The following MAMDC4 variants were observed in gnomAD, a reference collection of about 807,000 sequenced individuals.
MAMDC4 encodes apical endosomal glycoprotein.
MAMDC4 carries 168 observed loss-of-function variants against 153.3 expected under a neutral mutation model. The ratio of observed to expected loss-of-function variants is 1.10; its 90% CI spans 0.97 to 1.25. The LOEUF (loss-of-function observed/expected upper bound fraction) is 1.25, where lower values mean the gene tolerates loss of function less well. Ranked by LOEUF, MAMDC4 falls within the 50% of genes most tolerant of loss-of-function variation. The probability of loss-of-function intolerance (pLI) is 0.00; values close to 1 mark genes in which losing one functional copy is unlikely to be tolerated. For synonymous variants in MAMDC4, 744 were observed against 651.5 expected (o/e 1.14, Z -2.16); for missense variants, 1,701 against 1,542.8 (o/e 1.10, Z -1.72).
At chr9:136,859,528 G>A (rs115398961) in intron 25 of MAMDC4, 4 of 607,046 alleles carry the variant, frequency 6.6e-6, no homozygotes, top group Non-Finnish European at 1.1e-5. Context: ...TGTCCCTGGG[G>A]TGCAGCCTCT....
rs756730379 is a variant in MAMDC4 at position 136,858,127 on chromosome 9, TC to T, written c.2583+35del. On this transcript the variant is annotated intron_variant, in intron 20 of 26. Transcript: ENST00000317446. Reference sequence around the variant, plus strand: ...GTGCAGGGTGGGGTGCCCCTCCCCCTCCCCCTCCCCCGAGGGCTGCCTGGAC... The same window carrying T: ...GTGCAGGGTGGGGTGCCCCTCCCCCTCCCCTCCCCCGAGGGCTGCCTGGAC... The T allele has an allele frequency of 2.0e-5, 23 of 1,179,222 alleles. No individual in the cohort carries two copies. The Admixed American group carries it at 2.7e-4, about 14-fold the overall frequency. 73.0% of individuals were successfully genotyped at this position (1,179,222 alleles called of 1,614,324 possible). A position where few individuals can be genotyped will look rare whatever the true frequency, so the allele number is the denominator to read the frequency against.
rs1849052570 is a variant in MAMDC4, at chr9:136,859,276, A to G, written c.3152A>G (p.Tyr1051Cys). 3 of 1,611,900 alleles carry G rather than the reference A, an allele frequency of 1.9e-6. No individual in the cohort carries two copies. The highest frequency in any genetic ancestry group is 2.5e-6 in the Non-Finnish European group (3 of 1,179,438). ...LGPIALDDVE[Y>C]LAGQHCQQPA... The stretch of plus-strand genomic sequence containing the variant: ...CCCATTGCCCTGGATGACGTGGAGT[A>G]TCTGGCTGGGCAGCATTGCCAGCAG... The change falls in exon 25 of 27, where the codon TAT (tyrosine) becomes TGT (cysteine). Residue 1051 changes from tyrosine (Y) to cysteine (C), a missense_variant. Tyr to Cys is a radical substitution (Grantham distance 194). Coordinates refer to ENST00000317446, the MANE Select transcript of MAMDC4 (RefSeq NM_206920.3).
At position 136,860,634 on chromosome 9, in the gene MAMDC4, G is replaced by A. The variant is rs371983647; in HGVS notation, c.*31G>A. ...CCCAGACAAGGCCCCGCTTCCTCAC[G>A]TGACATCCAGCACTTGGTCAGACCC... On this transcript the variant is annotated 3_prime_UTR_variant, in exon 27 of 27. Coordinates refer to ENST00000317446, the MANE Select transcript of MAMDC4 (RefSeq NM_206920.3). 469 of 1,612,580 alleles carry A rather than the reference G, an allele frequency of 2.9e-4. No homozygotes were observed. The highest frequency in any genetic ancestry group is 3.8e-4 in the Non-Finnish European group (443 of 1,179,488).
chr9:136,852,539 G>A (rs1026712960), intron 1 of MAMDC4, 77 bp downstream of exon 1: 9 of 1,545,362 alleles, frequency 5.8e-6, no homozygotes, highest in African/African-American at 2.7e-5. Flanking sequence ...TGGCAGTGAC[G>A]GACACCAGGG....
chr9:136,858,291 G>A lies in MAMDC4; in HGVS notation c.2674+15G>A, dbSNP rs370494975. 13 of 1,600,934 alleles carry A rather than the reference G, an allele frequency of 8.1e-6. No homozygotes were observed. Among genetic ancestry groups the A allele is most frequent in the African/African-American group, 2.7e-5 (2 of 74,880 alleles). ...CCCTCAGCCAGGTGGGAGCCCTGCC[G>A]TGGCCTCGGCCCTGCTCTGGGGTGC... On this transcript the variant is annotated intron_variant, in intron 21 of 26. Transcript: ENST00000317446.
chr9:136,858,497 C>A lies in MAMDC4; in HGVS notation c.2772C>A (p.Pro924=), dbSNP rs994671501. The change falls in exon 22 of 27, where the codon CCC becomes CCA. Residue 924 remains proline (P), a synonymous_variant. Coordinates refer to ENST00000317446, the MANE Select transcript of MAMDC4 (RefSeq NM_206920.3). The part of the protein sequence containing the change: ...YSWDWGGGAT[P]SRYPQPPVDH... ...GGGACTGGGGCGGGGGAGCCACCCC[C>A]TCTCGTTACCCCCAGCCCCCTGTGG... 6.2e-7 allele frequency: 1 copy of A among 1,606,672 alleles called. No individual in the cohort carries two copies. The highest frequency in any genetic ancestry group is 8.5e-7 in the Non-Finnish European group (1 of 1,177,830).
intron 26 of MAMDC4, among the ~76,000 whole-genome samples, chr9:136,860,273 A>T (rs980178188): frequency 1.3e-5 from 2 of 152,150 alleles, no homozygotes; most frequent in African/African-American, 4.8e-5. Flanking sequence ...TAATCCCAGC[A>T]CTTTGGGAGA....
In MAMDC4 at chr9:136,859,917, T is replaced by C; in HGVS notation, c.3225T>C (p.Ala1075=). The C allele has an allele frequency of 6.2e-7, 1 of 1,612,544 alleles. No homozygotes were observed. The highest frequency in any genetic ancestry group is 1.3e-5 in the African/African-American group (1 of 75,030). The part of the protein sequence containing the change: ...GNTAAPGSVP[A]VVGSALLLLM... ...CAGCCGCACCCGGGTCTGTGCCAGC[T>C]GTGGTTGGCAGTGCCCTCCTATTGC... Residue 1075 remains alanine, a synonymous_variant, in exon 26 of 27, where the codon GCT becomes GCC. Transcript: ENST00000317446.
At chr9:136,858,141 GGGCTGCCTGGACCCGCTGA>G in intron 20 of MAMDC4, 26 bp from the exon 21 acceptor site, 1 of 1,528,190 alleles carries the variant, frequency 6.5e-7, no homozygotes. Context: ...CCTCCCCCGA[GGGCTGCCTGGACCCGCTGA>G]GGCTGCCCTG....
Position 136,856,015 on chromosome 9 carries a change from T to C in MAMDC4, c.1589-3T>C, listed in dbSNP as rs745803257. ...GGCTCTGAGCACCATGCTCTTCCCC[T>C]AGGGCACTTCCTGTCTCTGCAGCGG... On this transcript the variant is annotated splice_region_variant and splice_polypyrimidine_tract_variant and intron_variant, in intron 13 of 26. Coordinates refer to ENST00000317446, the MANE Select transcript of MAMDC4 (RefSeq NM_206920.3). The C allele has an allele frequency of 2.5e-6, 4 of 1,609,452 alleles. No homozygotes were observed. The South Asian group carries it at 4.4e-5, about 18-fold the overall frequency.
intron 1 of MAMDC4, 129 bp from the exon 2 acceptor site, chr9:136,852,973 G>A: frequency 2.7e-6 from 2 of 741,428 alleles, no homozygotes; most frequent in Non-Finnish European, 4.4e-6. Flanking sequence ...GCCCCTCCCT[G>A]CTCCATCTCC....
chr9:136,855,609 G>T lies in MAMDC4; in HGVS notation c.1461G>T (p.Glu487Asp). Residue 487 changes from glutamate (E) to aspartate (D), a missense_variant, in exon 12 of 27, where the codon GAG (glutamate) becomes GAT (aspartate). Physicochemically the swap from Glu to Asp is conservative, Grantham distance 45. Coordinates refer to ENST00000317446, the MANE Select transcript of MAMDC4 (RefSeq NM_206920.3). The stretch of plus-strand genomic sequence containing the variant: ...AGCAGTGCGCAGGGGGCGAGGACGA[G>T]CAGGCCTGTGGTAAAGGGGCTCAAC... Reference protein sequence around the residue: ...FEEQCAGGEDEQACGTTDFES... With the variant: ...FEEQCAGGEDDQACGTTDFES... The T allele has an allele frequency of 6.3e-7, 1 of 1,579,796 alleles. No individual in the cohort carries two copies.
chr9:136,859,678 G>C, intron 25 of MAMDC4: 1 of 612,138 alleles, frequency 1.6e-6, no homozygotes, highest in Non-Finnish European at 2.9e-6. Context: ...CTCGCCTGGG[G>C]CCATGAGCCC....
intron 7 of MAMDC4, 94 bp from the exon 8 acceptor site, chr9:136,854,445 T>A (rs7860064): frequency 6.6e-7 from 1 of 1,517,174 alleles, no homozygotes; most frequent in Non-Finnish European, 8.9e-7. Flanking sequence ...TGGTCCTTCT[T>A]GGGGTGTGGT....
Position 136,859,196 on chromosome 9 carries a change from C to T in MAMDC4, c.3085-13C>T. 1 of 1,607,698 alleles carries T rather than the reference C, an allele frequency of 6.2e-7. No individual in the cohort carries two copies. On this transcript the variant is annotated splice_polypyrimidine_tract_variant and intron_variant, in intron 24 of 26. Transcript: ENST00000317446. ...ACCCAGGGCCCACACAAACTCCTTT[C>T]CTTCTCCATCAGATCGTGTTTGAAG...
rs199872071 is a variant in MAMDC4, at chr9:136,853,539, C to T, written c.329-6C>T. 197 of 1,612,588 alleles carry T rather than the reference C, an allele frequency of 1.2e-4. 2 individuals carry two copies. In the East Asian group the frequency reaches 2.8e-3, roughly 23 times the overall value. Reference sequence around the variant, plus strand: ...GCCCCGTCTCCTGACCTCTCACCTGCGCCAGGCTGGTACATGGCCGTTGGA... The same window carrying T: ...GCCCCGTCTCCTGACCTCTCACCTGTGCCAGGCTGGTACATGGCCGTTGGA... On this transcript the variant is annotated splice_region_variant and splice_polypyrimidine_tract_variant and intron_variant, in intron 3 of 26. Transcript: ENST00000317446.
chr9:136,852,879 C>T (rs2811739), intron 1 of MAMDC4, among the ~76,000 whole-genome samples: 5,058 of 152,298 alleles, frequency 0.033, 123 homozygotes, highest in Non-Finnish European at 0.046. Flanking sequence ...ATGGCCGGGT[C>T]CCCCTCCCCA....
At chr9:136,859,364 C>T in intron 25 of MAMDC4, 47 bp downstream of exon 25, 2 of 1,530,028 alleles carry the variant, frequency 1.3e-6, no homozygotes, top group African/African-American at 1.4e-5. Flanking sequence ...CCCAAGGGGC[C>T]AGCCTGGCTC....
At chr9:136,857,102 C>T in intron 16 of MAMDC4, 61 bp downstream of exon 16, 2 of 1,604,080 alleles carry the variant, frequency 1.2e-6, no homozygotes, top group Non-Finnish European at 1.7e-6. Context: ...TCAGAGTCCC[C>T]CGCTCTGACA....
Sources: allele counts gnomAD v4.1 joint callset (sites outside exome capture counted in the v4.1 genomes callset), GRCh38; gene constraint gnomAD v4.1.1; transcripts MANE v1.5; gene names NCBI Gene and HGNC (gene_info 2026-07-23, HGNC 2026-07-21).